Variants in SUPT3H observed in about 807,000 individuals in gnomAD.
The protein encoded by SUPT3H is transcription initiation protein SPT3 homolog.
SUPT3H carries 44 observed loss-of-function variants against 44.3 expected under a neutral mutation model. That is an observed-to-expected ratio of 0.99 (90% CI 0.78 to 1.28). The LOEUF is 1.28. Ranked by LOEUF, SUPT3H falls within the 50% of genes most tolerant of loss-of-function variation. The pLI is 0.00. For missense variants in SUPT3H, 380 were observed against 387.1 expected, an observed-to-expected ratio of 0.98 and a Z score of 0.15; for synonymous variants, 124 against 125.6, an observed-to-expected ratio of 0.99 and a Z score of 0.09.
rs1401403000 is a variant in SUPT3H, at chr6:44,826,824, C to G, written c.*2992G>C. ...TTTATTATTTTATAAAAACAAAGAA[C>G]AGCAATAAATGAAGGGTTCTCCCCA... On this transcript the variant is annotated 3_prime_UTR_variant, in exon 11 of 11. Transcript: ENST00000371459. 1.3e-5 allele frequency among the ~76,000 whole-genome samples: 2 copies of G among 152,074 alleles called. No individual in the cohort carries two copies. The highest frequency in any genetic ancestry group is 2.9e-5 in the Non-Finnish European group (2 of 67,984).
intron 2 of SUPT3H, among the ~76,000 whole-genome samples, chr6:45,362,700 T>C (rs1357240991): frequency 6.6e-6 from 1 of 152,188 alleles, no homozygotes; most frequent in Non-Finnish European, 1.5e-5. Context: ...AGGTCTGAAA[T>C]AGAAGGAAAA....
At chr6:44,876,846 AAAAAG>A (rs1356476048) in intron 10 of SUPT3H, among the ~76,000 whole-genome samples, 1 of 150,616 alleles carries the variant, frequency 6.6e-6, no homozygotes, top group Non-Finnish European at 1.5e-5. Flanking sequence ...GAAAAAAAAA[AAAAAG>A]AAAAAGAAAA....
chr6:45,268,991 GACATGAACATTATA>G (rs1424943687), intron 2 of SUPT3H, among the ~76,000 whole-genome samples: 1 of 152,114 alleles, frequency 6.6e-6, no homozygotes, highest in Non-Finnish European at 1.5e-5. Flanking sequence ...ATGAAAGAGA[GACATGAACATTATA>G]ACTGAAGGTA....
intron 1 of SUPT3H, among the ~76,000 whole-genome samples, chr6:45,373,834 T>C (rs1796423754): frequency 6.6e-6 from 1 of 152,150 alleles, no homozygotes; most frequent in Non-Finnish European, 1.5e-5. Context: ...ATTACAGGTG[T>C]GAGCCACCAC....
intron 5 of SUPT3H, among the ~76,000 whole-genome samples, chr6:45,005,947 T>C (rs1170541027): frequency 6.6e-6 from 1 of 152,136 alleles, no homozygotes; most frequent in Non-Finnish European, 1.5e-5. Flanking sequence ...GGTCGAAGCA[T>C]ATCTTGCTAT....
intron 3 of SUPT3H, among the ~76,000 whole-genome samples, chr6:45,079,485 G>C (rs1430049286): frequency 6.6e-6 from 1 of 150,518 alleles, no homozygotes; most frequent in Non-Finnish European, 1.5e-5. Context: ...GGAGGAGGAA[G>C]GAGGAAGAAA....
chr6:45,215,169 T>C (rs562070587), intron 2 of SUPT3H, among the ~76,000 whole-genome samples: 5 of 152,112 alleles, frequency 3.3e-5, no homozygotes, highest in South Asian at 2.1e-4. Flanking sequence ...ACCAACATGA[T>C]AGGACACAAC....
At chr6:45,304,119 GAGTT>G (rs1782619357) in intron 2 of SUPT3H, among the ~76,000 whole-genome samples, 2 of 152,132 alleles carry the variant, frequency 1.3e-5, no homozygotes, top group Non-Finnish European at 1.5e-5. Context: ...GGATCAGTAA[GAGTT>G]AGTCACTCTC....
chr6:44,916,251 C>T (rs771542240), intron 10 of SUPT3H, among the ~76,000 whole-genome samples: 5 of 152,210 alleles, frequency 3.3e-5, no homozygotes, highest in Non-Finnish European at 5.9e-5. Flanking sequence ...TCACAATACA[C>T]TGCATCTTTC....
At chr6:45,128,893 C>T (rs1304958869) in intron 2 of SUPT3H, among the ~76,000 whole-genome samples, 2 of 151,998 alleles carry the variant, frequency 1.3e-5, no homozygotes, top group East Asian at 1.9e-4. Context: ...ACCATGTTGG[C>T]CAGGCTGGTC....
At chr6:44,859,551 C>T (rs1435222192) in intron 10 of SUPT3H, among the ~76,000 whole-genome samples, 1 of 151,966 alleles carries the variant, frequency 6.6e-6, no homozygotes, top group African/African-American at 2.4e-5. Flanking sequence ...GAATGTGGTG[C>T]TAATGAGGTT....
chr6:45,173,099 C>A (rs985826509), intron 2 of SUPT3H, among the ~76,000 whole-genome samples: 3 of 151,988 alleles, frequency 2.0e-5, no homozygotes, highest in Non-Finnish European at 1.5e-5. Context: ...ATCCTGATCA[C>A]ACACTTAAGA....
intron 2 of SUPT3H, among the ~76,000 whole-genome samples, chr6:45,137,495 C>T (rs1804493892): frequency 6.6e-6 from 1 of 151,722 alleles, no homozygotes; most frequent in African/African-American, 2.4e-5. Flanking sequence ...CCAACATATA[C>T]CAATGTAATC....
chr6:45,033,890 T>C (rs1562306530), intron 3 of SUPT3H, among the ~76,000 whole-genome samples: 1 of 152,142 alleles, frequency 6.6e-6, no homozygotes, highest in South Asian at 2.1e-4. Context: ...TAATCAGAAT[T>C]TGGAAAAAGT....
intron 2 of SUPT3H, among the ~76,000 whole-genome samples, chr6:45,346,711 C>T (rs764532545): frequency 3.9e-5 from 6 of 151,964 alleles, no homozygotes; most frequent in Non-Finnish European, 8.8e-5. Context: ...ATTACAGGTG[C>T]AGGCCACCAT....
At chr6:45,108,876 G>C (rs1052540509) in intron 2 of SUPT3H, among the ~76,000 whole-genome samples, 4 of 152,016 alleles carry the variant, frequency 2.6e-5, no homozygotes, top group Non-Finnish European at 5.9e-5. Context: ...TTGGAAAAGA[G>C]AAAACTACAC....
intron 3 of SUPT3H, among the ~76,000 whole-genome samples, 172 bp from the exon 4 acceptor site, chr6:45,020,804 A>G (rs941623753): frequency 6.6e-6 from 1 of 152,012 alleles, no homozygotes; most frequent in Non-Finnish European, 1.5e-5. Flanking sequence ...TAAGATATAA[A>G]ACATGCAATT....
intron 6 of SUPT3H, among the ~76,000 whole-genome samples, chr6:44,980,516 G>A (rs982655401): frequency 3.9e-5 from 6 of 152,060 alleles, no homozygotes; most frequent in Non-Finnish European, 7.4e-5. Context: ...CGTGGCTGAG[G>A]GTAAGAGAAA....
chr6:44,943,586 A>G (rs1382959124), intron 9 of SUPT3H, among the ~76,000 whole-genome samples: 1 of 152,134 alleles, frequency 6.6e-6, no homozygotes, highest in East Asian at 1.9e-4. Flanking sequence ...AACCATGTCT[A>G]TGGATATCAT....
Sources: allele counts gnomAD v4.1 joint callset (sites outside exome capture counted in the v4.1 genomes callset), GRCh38; gene constraint gnomAD v4.1.1; transcripts MANE v1.5; gene names NCBI Gene and HGNC (gene_info 2026-07-23, HGNC 2026-07-21).